ANKMY1: variants seen among roughly 807,000 people sequenced by gnomAD.
ANKMY1 encodes the protein ankyrin repeat and MYND domain containing 1.
In ANKMY1, 98 loss-of-function variants were observed where a neutral mutation model predicts 102.0. The ratio of observed to expected loss-of-function variants is 0.96; its 90% CI spans 0.82 to 1.14. ANKMY1 has a LOEUF of 1.14. Among genes scored for constraint, ANKMY1 ranks in the 50% most tolerant of loss-of-function variants. ANKMY1 has a pLI of 0.00. For missense variants in ANKMY1, 1,330 were observed against 1,347.6 expected (o/e 0.99, Z 0.20); for synonymous variants, 582 against 559.9 (o/e 1.04, Z -0.56).
At chr2:240,500,213 C>A in intron 14 of ANKMY1, 90 bp from the exon 15 acceptor site, 1 of 1,433,158 alleles carries the variant, frequency 7.0e-7, no homozygotes, top group South Asian at 1.4e-5. Flanking sequence ...CCTGTCAGCT[C>A]TTGTGATATA....
chr2:240,555,158 CCA>C, intron 2 of ANKMY1, 103 bp from the exon 3 acceptor site: 1 of 1,274,026 alleles, frequency 7.8e-7, no homozygotes, highest in Non-Finnish European at 1.1e-6. Flanking sequence ...TCATTTCATC[CCA>C]CAGTCCCGGG....
intron 15 of ANKMY1, among the ~76,000 whole-genome samples, chr2:240,491,505 CA>C (rs1350480097): frequency 6.6e-6 from 1 of 152,144 alleles, no homozygotes; most frequent in East Asian, 1.9e-4. Flanking sequence ...ACTGCTTTGC[CA>C]GTGACTTTTA....
chr2:240,500,762 G>A (rs942498706), intron 13 of ANKMY1, among the ~76,000 whole-genome samples, 197 bp from the exon 14 acceptor site: 14 of 152,222 alleles, frequency 9.2e-5, no homozygotes, highest in Admixed American at 6.5e-4. Flanking sequence ...AGTTGGGGCT[G>A]AGCCTCGCCC....
chr2:240,498,853 C>G (rs1427466589), intron 15 of ANKMY1, among the ~76,000 whole-genome samples: 3 of 152,104 alleles, frequency 2.0e-5, no homozygotes, highest in African/African-American at 7.2e-5. Context: ...CCCGCCTTCT[C>G]TCTCTCCCTC....
chr2:240,505,300 A>G (rs2078881341), intron 13 of ANKMY1, among the ~76,000 whole-genome samples: 1 of 151,982 alleles, frequency 6.6e-6, no homozygotes, highest in Non-Finnish European at 1.5e-5. Context: ...CGTCTCTACT[A>G]AAAATATAAA....
chr2:240,537,796 G>A lies in ANKMY1; in HGVS notation c.481-8287C>T. Among the ~76,000 whole-genome samples, 2 of 152,254 alleles carry A rather than the reference G, an allele frequency of 1.3e-5. 1 individual carries two copies. The highest frequency in any genetic ancestry group is 3.8e-4 in the East Asian group (2 of 5,196). On this transcript the variant is annotated intron_variant, in intron 4 of 17. Transcript: ENST00000401804. ...ACGCTGTAAACCACAACAAGTGGAG[G>A]TGTAAACTGGTCATAGCCCACACCT...
intron 9 of ANKMY1, among the ~76,000 whole-genome samples, chr2:240,515,191 G>A (rs2080951419): frequency 6.6e-6 from 1 of 152,160 alleles, no homozygotes; most frequent in African/African-American, 2.4e-5. Flanking sequence ...CAGTGTCTGG[G>A]CCCCAGTGTC....
At position 240,525,805 on chromosome 2, in the gene ANKMY1, C is replaced by T. The variant is rs1224334127; in HGVS notation, c.1215G>A (p.Gly405=). The T allele has an allele frequency of 1.9e-6, 3 of 1,614,070 alleles. No homozygotes were observed. The highest frequency in any genetic ancestry group is 2.5e-6 in the Non-Finnish European group (3 of 1,180,000). Residue 405 remains glycine, a synonymous_variant, in exon 7 of 18, where the codon GGG becomes GGA. Transcript: ENST00000401804. ...NDIVNLLLDC[G]ADVNKCSDEG... is the part of the protein sequence containing the mutation. ...CATCTGAGCACTTGTTCACGTCGGC[C>T]CCACAGTCCAGGAGAAGGTTGACAA... is the stretch of plus-strand genomic sequence containing the variant.
chr2:240,549,520 T>TA (rs2091108578), intron 4 of ANKMY1, among the ~76,000 whole-genome samples: 1 of 152,210 alleles, frequency 6.6e-6, no homozygotes, highest in African/African-American at 2.4e-5. Context: ...AAATGGGATC[T>TA]AATTAAATTA....
Position 240,524,175 on chromosome 2 carries a change from G to A in ANKMY1, c.1542C>T (p.Asp514=). ...QDTGQCGGSI[D]HRSSSLKGDS... ...CCCCCTTCAGAGAGCTGCTCCTGTGGTCTATGGACCCCCCACACTGCCCGG... is the reference window on the plus strand; with the variant it reads ...CCCCCTTCAGAGAGCTGCTCCTGTGATCTATGGACCCCCCACACTGCCCGG... The change falls in exon 8 of 18, where the codon GAC becomes GAT. Residue 514 remains aspartate (D), a synonymous_variant. Transcript: ENST00000401804. 1 of 1,613,932 alleles carries A rather than the reference G, an allele frequency of 6.2e-7. No individual in the cohort carries two copies. The highest frequency in any genetic ancestry group is 8.5e-7 in the Non-Finnish European group (1 of 1,180,030).
chr2:240,503,773 C>A (rs574565355), intron 13 of ANKMY1, among the ~76,000 whole-genome samples: 1 of 152,314 alleles, frequency 6.6e-6, no homozygotes, highest in African/African-American at 2.4e-5. Flanking sequence ...TCCTAAACCC[C>A]GGGATCTGTG....
chr2:240,512,434 C>T (rs1394722789), intron 10 of ANKMY1, among the ~76,000 whole-genome samples: 1 of 152,216 alleles, frequency 6.6e-6, no homozygotes, highest in African/African-American at 2.4e-5. Flanking sequence ...GACAGGATGG[C>T]TTCGGCCTGG....
At chr2:240,503,105 G>C (rs1304708576) in intron 13 of ANKMY1, among the ~76,000 whole-genome samples, 1 of 152,202 alleles carries the variant, frequency 6.6e-6, no homozygotes, top group African/African-American at 2.4e-5. Context: ...CCTGCTGAAC[G>C]GCACCGGGAG....
At chr2:240,542,265 T>C (rs954253091) in intron 4 of ANKMY1, among the ~76,000 whole-genome samples, 12 of 151,382 alleles carry the variant, frequency 7.9e-5, no homozygotes, top group Middle Eastern at 3.4e-3. Flanking sequence ...CTCAGCACTT[T>C]GGGAAGTCAG....
upstream of ANKMY1, among the ~76,000 whole-genome samples, chr2:240,559,793 C>A (rs746621927): frequency 6.6e-5 from 10 of 152,182 alleles, no homozygotes; most frequent in Non-Finnish European, 1.3e-4. Flanking sequence ...CTGACAGTTA[C>A]CAATGCTAGA....
chr2:240,515,308 G>A (rs1169625264), intron 9 of ANKMY1, among the ~76,000 whole-genome samples: 2 of 152,126 alleles, frequency 1.3e-5, no homozygotes, highest in African/African-American at 4.8e-5. Flanking sequence ...AGGCCAAGGT[G>A]GGCGGATCAC....
intron 12 of ANKMY1, 47 bp from the exon 13 acceptor site, chr2:240,507,738 C>A: frequency 6.5e-7 from 1 of 1,547,840 alleles, no homozygotes; most frequent in South Asian, 1.3e-5. Flanking sequence ...TGTCACTTCC[C>A]CTGACAGAGG....
chr2:240,507,243 G>A (rs559121309), intron 13 of ANKMY1, among the ~76,000 whole-genome samples: 1 of 152,154 alleles, frequency 6.6e-6, no homozygotes, highest in South Asian at 2.1e-4. Flanking sequence ...CCGCCCGCCA[G>A]GAATGACAGC....
intron 4 of ANKMY1, among the ~76,000 whole-genome samples, chr2:240,542,512 A>C (rs1412132498): frequency 3.3e-5 from 5 of 152,128 alleles, no homozygotes; most frequent in Admixed American, 6.5e-5. Context: ...TCAAAAAAAA[A>C]AAAAAATCAA....
Sources: gnomAD v4.1 joint callset for allele counts (sites outside exome capture counted in the v4.1 genomes callset) on GRCh38, gnomAD v4.1.1 for gene constraint, MANE v1.5 for transcripts, NCBI Gene and HGNC (gene_info 2026-07-23, HGNC 2026-07-21) for gene names.